PRUNE2: variants seen among roughly 807,000 people sequenced by gnomAD.
The protein encoded by PRUNE2 is prune homolog 2 with BCH domain.
Under a neutral mutation model 252.0 loss-of-function variants are expected in PRUNE2, and 164 were observed. That is an observed-to-expected ratio of 0.65 (90% CI 0.57 to 0.74). PRUNE2 has a LOEUF of 0.74. Among genes scored for constraint, PRUNE2 ranks in the 30% least tolerant of loss-of-function variants. PRUNE2 has a pLI of 0.00. For synonymous variants in PRUNE2, 1,292 were observed against 1,350.2 expected, an observed-to-expected ratio of 0.96 and a Z score of 0.94; for missense variants, 3,495 against 3,711.0, an observed-to-expected ratio of 0.94 and a Z score of 1.51.
intron 1 of PRUNE2, among the ~76,000 whole-genome samples, chr9:76,855,369 C>T (rs1030428331): frequency 6.6e-5 from 10 of 151,844 alleles, no homozygotes; most frequent in African/African-American, 1.5e-4. Flanking sequence ...ACCTAGAAAG[C>T]CAACTTAGTT....
chr9:76,830,826 A>C (rs2058628938), intron 4 of PRUNE2, among the ~76,000 whole-genome samples: 1 of 152,194 alleles, frequency 6.6e-6, no homozygotes. Flanking sequence ...AGTATGACTG[A>C]CTTCTCAACT....
chr9:76,676,249 A>AG lies in PRUNE2; in HGVS notation c.8277-20748_8277-20747insC, dbSNP rs942823338. Among the ~76,000 whole-genome samples, 11 of 141,124 alleles carry AG rather than the reference A, an allele frequency of 7.8e-5. 1 individual carries two copies. Among genetic ancestry groups the AG allele is most frequent in the African/African-American group, 2.5e-4 (10 of 39,728 alleles). 92.6% of individuals were successfully genotyped at this position (141,124 alleles called of 152,430 possible). A position where few individuals can be genotyped will look rare whatever the true frequency, so the allele number is the denominator to read the frequency against. On this transcript the variant is annotated intron_variant, in intron 9 of 18. Transcript: ENST00000376718. The stretch of plus-strand genomic sequence containing the variant: ...TGTAAACTTTGTGAAAACATTAAAA[A>AG]AAAAAAAATCTTCCACTCAAATTTT...
chr9:76,830,766 T>C (rs1028209769), intron 4 of PRUNE2, among the ~76,000 whole-genome samples: 5 of 150,012 alleles, frequency 3.3e-5, no homozygotes, highest in Non-Finnish European at 7.4e-5. Flanking sequence ...AAAAAAATTA[T>C]GGAGAGAAAA....
At position 76,707,661 on chromosome 9, in the gene PRUNE2, C is replaced by G. The variant is rs1222205407; in HGVS notation, c.4613G>C (p.Ser1538Thr). 1 of 1,613,872 alleles carries G rather than the reference C, an allele frequency of 6.2e-7. No homozygotes were observed. Among genetic ancestry groups the G allele is most frequent in the South Asian group, 1.1e-5 (1 of 91,074 alleles). ...TGATGCACTTGAATGAGTATACTCA[C>G]TAGAAATAGTATCTCTGTCAAAATT... ...SGNFDRDTIS[S>T]EYTHSSASSP... The change falls in exon 8 of 19, where the codon AGT becomes ACT. Residue 1538 changes from serine (S) to threonine (T), a missense_variant. Coordinates refer to ENST00000376718, the MANE Select transcript of PRUNE2 (RefSeq NM_015225.3).
At chr9:76,881,521 T>C (rs2061783711) in intron 1 of PRUNE2, among the ~76,000 whole-genome samples, 1 of 152,170 alleles carries the variant, frequency 6.6e-6, no homozygotes, top group Admixed American at 6.5e-5. Context: ...TTCTTAAACA[T>C]TTTTATCATC....
At chr9:76,794,398 C>T (rs747959731) in intron 6 of PRUNE2, among the ~76,000 whole-genome samples, 29 of 152,004 alleles carry the variant, frequency 1.9e-4, no homozygotes, top group Non-Finnish European at 3.4e-4. Context: ...AGGGGGATCA[C>T]GAGGTTAAGA....
chr9:76,714,447 T>G (rs1028193084), intron 6 of PRUNE2, among the ~76,000 whole-genome samples: 4 of 152,174 alleles, frequency 2.6e-5, no homozygotes, highest in South Asian at 2.1e-4. Flanking sequence ...CAGGCTGGAG[T>G]GCTGTGGCGT....
Position 76,806,264 on chromosome 9 carries a change from C to T in PRUNE2, c.756+17368G>A, listed in dbSNP as rs563189688. On this transcript the variant is annotated intron_variant, in intron 6 of 18. Transcript: ENST00000376718. ...GCCCTCCAGATGACTCCTATGCAAACTAGACTTTAAAAACCACTACTCTAG... is the reference window on the plus strand; with the variant it reads ...GCCCTCCAGATGACTCCTATGCAAATTAGACTTTAAAAACCACTACTCTAG... Among the ~76,000 whole-genome samples the T allele has an allele frequency of 2.6e-5, 4 of 152,234 alleles. No individual in the cohort carries two copies. The East Asian group carries it at 7.7e-4, about 29-fold the overall frequency.
intron 6 of PRUNE2, among the ~76,000 whole-genome samples, chr9:76,779,210 T>C (rs2054112274): frequency 6.6e-6 from 1 of 150,732 alleles, no homozygotes; most frequent in Non-Finnish European, 1.5e-5. Flanking sequence ...TAAATGGCAA[T>C]GGACAAAGTG....
intron 4 of PRUNE2, among the ~76,000 whole-genome samples, chr9:76,837,294 T>C (rs1475623244): frequency 6.6e-6 from 1 of 151,804 alleles, no homozygotes; most frequent in Non-Finnish European, 1.5e-5. Flanking sequence ...ATACAAAAAT[T>C]AGCCAGGCGT....
rs1331400965 is a variant in PRUNE2 at position 76,823,733 on chromosome 9, A to G, written c.662-7T>C. 1.9e-6 allele frequency: 3 copies of G among 1,542,166 alleles called. No homozygotes were observed. Among genetic ancestry groups the G allele is most frequent in the Non-Finnish European group, 2.7e-6 (3 of 1,122,160 alleles). On this transcript the variant is annotated splice_polypyrimidine_tract_variant and splice_region_variant and intron_variant, in intron 5 of 18. Transcript: ENST00000376718. The stretch of plus-strand genomic sequence containing the variant: ...GTCTGTTCAATACTTAAACCTGTGG[A>G]TGACAGGAAAAAAAAACATTATGTT...
intron 1 of PRUNE2, among the ~76,000 whole-genome samples, chr9:76,860,221 T>C (rs2060476638): frequency 6.6e-6 from 1 of 152,208 alleles, no homozygotes; most frequent in African/African-American, 2.4e-5. Flanking sequence ...ACAATAGTGA[T>C]GTTATCTGTA....
intron 3 of PRUNE2, among the ~76,000 whole-genome samples, chr9:76,849,573 C>A (rs2059844597): frequency 6.6e-6 from 1 of 152,122 alleles, no homozygotes; most frequent in South Asian, 2.1e-4. Flanking sequence ...CACCTGTAAT[C>A]CCAGCACTTT....
intron 18 of PRUNE2, among the ~76,000 whole-genome samples, chr9:76,616,182 C>G (rs765942738): frequency 1.3e-5 from 2 of 152,156 alleles, no homozygotes; most frequent in Non-Finnish European, 2.9e-5. Flanking sequence ...TTTTCAGGCC[C>G]TCTGACTTGT....
chr9:76,750,404 A>G (rs1056623990), intron 6 of PRUNE2, among the ~76,000 whole-genome samples: 1 of 152,146 alleles, frequency 6.6e-6, no homozygotes, highest in African/African-American at 2.4e-5. Context: ...ATTACAGAAC[A>G]CCCAATTGTT....
chr9:76,682,106 G>T (rs2043507881), intron 9 of PRUNE2, among the ~76,000 whole-genome samples: 1 of 152,080 alleles, frequency 6.6e-6, no homozygotes, highest in African/African-American at 2.4e-5. Flanking sequence ...AAAAATGTTA[G>T]GAGAGAGAAG....
intron 4 of PRUNE2, among the ~76,000 whole-genome samples, chr9:76,838,829 T>G (rs1369915084): frequency 1.3e-5 from 2 of 152,138 alleles, no homozygotes; most frequent in African/African-American, 4.8e-5. Context: ...CAAAAGGTCT[T>G]TCTCTTTACC....
At chr9:76,879,896 TATATA>T (rs2061669735) in intron 1 of PRUNE2, among the ~76,000 whole-genome samples, 5 of 92,130 alleles carry the variant, frequency 5.4e-5, no homozygotes, top group African/African-American at 2.8e-4. Context: ...TATATATATA[TATATA>T]TATTTTTTTT....
chr9:76,615,865 A>G (rs2553210), intron 18 of PRUNE2, among the ~76,000 whole-genome samples: 133,040 of 149,256 alleles, frequency 0.89, 59,486 homozygotes, highest in African/African-American at 0.97. Flanking sequence ...CGTCTCCTAG[A>G]TTCAAGCGAC....
Sources: gnomAD v4.1 joint callset for allele counts (sites outside exome capture counted in the v4.1 genomes callset) on GRCh38, gnomAD v4.1.1 for gene constraint, MANE v1.5 for transcripts, NCBI Gene and HGNC (gene_info 2026-07-23, HGNC 2026-07-21) for gene names.